The following PSMG1 variants were observed in gnomAD, a reference collection of about 807,000 sequenced individuals.
PSMG1 encodes the protein Down syndrome critical region gene 2.
Under a neutral mutation model 37.2 loss-of-function variants are expected in PSMG1, and 23 were observed. The ratio of observed to expected loss-of-function variants is 0.62; its 90% CI spans 0.44 to 0.88. The LOEUF (loss-of-function observed/expected upper bound fraction) is 0.88. PSMG1 is among the 40% of genes least tolerant of loss of function. The pLI is 0.00. For missense variants in PSMG1, 340 were observed against 344.2 expected (o/e 0.99, Z 0.10); for synonymous variants, 127 against 128.0 (o/e 0.99, Z 0.05).
intron 6 of PSMG1, among the ~76,000 whole-genome samples, 189 bp downstream of exon 6, chr21:39,177,246 G>C (rs182833026): frequency 6.6e-6 from 1 of 152,164 alleles, no homozygotes; most frequent in African/African-American, 2.4e-5. Context: ...CAAAGCATTC[G>C]TCAAGTTACA....
At chr21:39,180,528 G>C in intron 2 of PSMG1, 92 bp from the exon 3 acceptor site, 2 of 1,340,414 alleles carry the variant, frequency 1.5e-6, no homozygotes, top group Non-Finnish European at 2.0e-6. Context: ...TGTAGAATTT[G>C]AGAGCTGAAA....
At chr21:39,175,979 C>G (rs893469021) in intron 6 of PSMG1, among the ~76,000 whole-genome samples, 1 of 152,160 alleles carries the variant, frequency 6.6e-6, no homozygotes, top group African/African-American at 2.4e-5. Flanking sequence ...ACACTCCTCA[C>G]GGCTCTCCTC....
At chr21:39,182,686 G>A (rs2030891720) in intron 1 of PSMG1, among the ~76,000 whole-genome samples, 2 of 152,184 alleles carry the variant, frequency 1.3e-5, no homozygotes, top group South Asian at 4.1e-4. Context: ...AATTTACCCG[G>A]TTGTGTAGGG....
chr21:39,183,425 G>GCC lies in PSMG1; in HGVS notation c.-41_-40insGG. 6 of 1,539,838 alleles carry GCC rather than the reference G, an allele frequency of 3.9e-6. No homozygotes were observed. The highest frequency in any genetic ancestry group is 5.2e-6 in the Non-Finnish European group (6 of 1,148,180). ...CGGCTGGACACAACTGCAGCGCCGC[G>GCC]GGACCGCACGCCGGCTTGCGCGAGA... On this transcript the variant is annotated 5_prime_UTR_variant, in exon 1 of 7. Coordinates refer to ENST00000331573, the MANE Select transcript of PSMG1 (RefSeq NM_003720.4).
At position 39,175,384 on chromosome 21, in the gene PSMG1, G is replaced by T; in HGVS notation, c.*206C>A. 1 of 521,150 alleles carries T rather than the reference G, an allele frequency of 1.9e-6. No individual in the cohort carries two copies. The highest frequency in any genetic ancestry group is 2.8e-6 in the Non-Finnish European group (1 of 352,896). The allele number at this position is 521,150 out of a possible 1,614,324, so 32.3% of individuals were successfully genotyped here. On this transcript the variant is annotated 3_prime_UTR_variant, in exon 7 of 7. Coordinates refer to ENST00000331573, the MANE Select transcript of PSMG1 (RefSeq NM_003720.4). ...TCAAATACAACAATACTCCCACCTA[G>T]TGGATAAAAGGAAAATGCTTGGCTT...
chr21:39,183,423 G>A lies in PSMG1; in HGVS notation c.-38C>T, dbSNP rs370327546. ...ACCGGCTGGACACAACTGCAGCGCC[G>A]CGGGACCGCACGCCGGCTTGCGCGA... On this transcript the variant is annotated 5_prime_UTR_variant, in exon 1 of 7. Coordinates refer to ENST00000331573, the MANE Select transcript of PSMG1 (RefSeq NM_003720.4). The A allele has an allele frequency of 3.8e-5, 59 of 1,549,170 alleles. No individual in the cohort carries two copies. Among genetic ancestry groups the A allele is most frequent in the Non-Finnish European group, 4.8e-5 (55 of 1,153,392 alleles).
Position 39,178,487 on chromosome 21 carries a change from A to T in PSMG1, c.617T>A (p.Leu206Gln), listed in dbSNP as rs1214633979. Residue 206 changes from leucine to glutamine, a missense_variant, in exon 5 of 7, where the codon CTA (leucine) becomes CAA (glutamine). By Grantham distance (113) the Leu-to-Gln change is moderately radical. Coordinates refer to ENST00000331573, the MANE Select transcript of PSMG1 (RefSeq NM_003720.4). ...NFKDSACCPL[L>Q]EQPNIVHDLP... ...GTCGTGTACTATATTCGGTTGTTCT[A>T]GCAATGGACAACACGCCGAGTCTTT... 1.9e-6 allele frequency: 3 copies of T among 1,614,008 alleles called. No homozygotes were observed. In the African/African-American group the frequency reaches 4.0e-5, roughly 22 times the overall value.
In PSMG1 at chr21:39,175,469, C is replaced by A; in HGVS notation, c.*121G>T. ...AATTAAAACTACAATTAATTTTTTA[C>A]AATTTTATTCCGTTTCATCATTCTC... On this transcript the variant is annotated 3_prime_UTR_variant, in exon 7 of 7. Transcript: ENST00000331573. The A allele has an allele frequency of 7.5e-7, 1 of 1,335,032 alleles. No individual in the cohort carries two copies. The allele number at this position is 1,335,032 out of a possible 1,614,324, so 82.7% of individuals were successfully genotyped here.
At chr21:39,180,520 T>C (rs1245143242) in intron 2 of PSMG1, 84 bp from the exon 3 acceptor site, 3 of 1,374,746 alleles carry the variant, frequency 2.2e-6, no homozygotes, top group Non-Finnish European at 2.9e-6. Context: ...CAAGTTACTG[T>C]AGAATTTGAG....
chr21:39,181,923 C>G (rs2030843315), intron 1 of PSMG1, 45 bp from the exon 2 acceptor site: 1 of 1,349,424 alleles, frequency 7.4e-7, no homozygotes, highest in Non-Finnish European at 1.0e-6. Context: ...TCAATATAAA[C>G]AGTATCATGG....
In PSMG1 at chr21:39,179,954, T is replaced by G. The variant is rs1161791065; in HGVS notation, c.426A>C (p.Ala142=). The G allele has an allele frequency of 6.2e-7, 1 of 1,613,226 alleles. No individual in the cohort carries two copies. Among genetic ancestry groups the G allele is most frequent in the Non-Finnish European group, 8.5e-7 (1 of 1,179,978 alleles). The change falls in exon 4 of 7, where the codon GCA becomes GCC. Residue 142 remains alanine (A), a synonymous_variant. Coordinates refer to ENST00000331573, the MANE Select transcript of PSMG1 (RefSeq NM_003720.4). ...VFLCQCSCYV[A]EDQQYQWLEK... is the part of the protein sequence containing the mutation. ...CCAGCCACTGATACTGTTGATCTTCTGCAACATAGCAACTGCACTGACAGA... is the reference window on the plus strand; with the variant it reads ...CCAGCCACTGATACTGTTGATCTTCGGCAACATAGCAACTGCACTGACAGA...
chr21:39,182,371 G>A (rs1324454670), intron 1 of PSMG1, among the ~76,000 whole-genome samples: 1 of 152,228 alleles, frequency 6.6e-6, no homozygotes, highest in Non-Finnish European at 1.5e-5. Context: ...GGGGTAAGAG[G>A]AGGTTGCTCT....
rs1036674886 is a variant in PSMG1 at position 39,175,533 on chromosome 21, G to A, written c.*57C>T. ...CAAAAGTAATCTACAAAAGAGTGCA[G>A]GCTGCTCCCCTTAAAGGAATGGACA... On this transcript the variant is annotated 3_prime_UTR_variant, in exon 7 of 7. Transcript: ENST00000331573. 1.3e-6 allele frequency: 2 copies of A among 1,551,868 alleles called. No homozygotes were observed. Among genetic ancestry groups the A allele is most frequent in the Non-Finnish European group, 1.7e-6 (2 of 1,146,500 alleles).
intron 5 of PSMG1, 148 bp downstream of exon 5, chr21:39,178,301 C>T (rs2030697079): frequency 2.9e-6 from 2 of 696,384 alleles, no homozygotes; most frequent in Non-Finnish European, 4.7e-6. Context: ...AAATATACTG[C>T]ACTTGTAACT....
intron 6 of PSMG1, 139 bp downstream of exon 6, chr21:39,177,296 G>A (rs867325127): frequency 6.4e-6 from 5 of 779,948 alleles, no homozygotes; most frequent in Middle Eastern, 3.8e-4. Flanking sequence ...AATTCAAACT[G>A]CCAGACTAGA....
intron 6 of PSMG1, among the ~76,000 whole-genome samples, chr21:39,175,880 C>A (rs557540805): frequency 6.6e-6 from 1 of 152,124 alleles, no homozygotes; most frequent in African/African-American, 2.4e-5. Flanking sequence ...TCCTGGCCTC[C>A]GATGGTCTCC....
chr21:39,181,418 G>A (rs34705151), intron 2 of PSMG1, among the ~76,000 whole-genome samples: 70,990 of 151,368 alleles, frequency 0.47, 16,826 homozygotes, highest in Admixed American at 0.53. Flanking sequence ...TTACAGATGT[G>A]AGCCACTGCA....
chr21:39,178,564 G>C lies in PSMG1; in HGVS notation c.540C>G (p.Ser180=), dbSNP rs2030708640. The C allele has an allele frequency of 6.2e-7, 1 of 1,613,910 alleles. No homozygotes were observed. The highest frequency in any genetic ancestry group is 1.7e-5 in the Admixed American group (1 of 59,998). The change falls in exon 5 of 7, where the codon TCC becomes TCG. Residue 180 remains serine, a synonymous_variant. Transcript: ENST00000331573. The stretch of plus-strand genomic sequence containing the variant: ...GGAAAGGAGAAGGAAGGCTGCCGGT[G>C]GATTCTGAGGTTTTATAATCGGTAA... ...RHVTDYKTSE[S]TGSLPSPFLR...
At chr21:39,176,050 T>A (rs1299909225) in intron 6 of PSMG1, among the ~76,000 whole-genome samples, 1 of 152,142 alleles carries the variant, frequency 6.6e-6, no homozygotes, top group Admixed American at 6.6e-5. Context: ...GATTCATCCA[T>A]CTTTCAAATC....
Sources: gnomAD v4.1 joint callset for allele counts (sites outside exome capture counted in the v4.1 genomes callset) on GRCh38, gnomAD v4.1.1 for gene constraint, MANE v1.5 for transcripts, NCBI Gene and HGNC (gene_info 2026-07-23, HGNC 2026-07-21) for gene names.